TWSG1: variants seen among roughly 807,000 people sequenced by gnomAD.
TWSG1 encodes the protein twisted gastrulation BMP signaling modulator 1.
In TWSG1, 15 loss-of-function variants were observed where a neutral mutation model predicts 23.0. The observed-to-expected ratio is 0.65, with a 90% CI of 0.44 to 1.00. The LOEUF (loss-of-function observed/expected upper bound fraction) is 1.00, where lower values mean the gene tolerates loss of function less well. Ranked by LOEUF, TWSG1 falls within the 50% of genes least tolerant of loss-of-function variation. TWSG1 has a pLI of 0.00. For missense variants in TWSG1, 242 were observed against 278.7 expected (o/e 0.87, Z 0.94); for synonymous variants, 86 against 92.8 (o/e 0.93, Z 0.42).
intron 3 of TWSG1, among the ~76,000 whole-genome samples, chr18:9,395,606 G>T (rs1362666690): frequency 1.3e-5 from 2 of 152,142 alleles, no homozygotes; most frequent in Non-Finnish European, 2.9e-5. Context: ...ACATGGGGTT[G>T]CCCAGGCTAG....
At chr18:9,368,562 C>A (rs570272369) in intron 3 of TWSG1, among the ~76,000 whole-genome samples, 2 of 152,142 alleles carry the variant, frequency 1.3e-5, no homozygotes, top group Non-Finnish European at 2.9e-5. Flanking sequence ...TCTGTAATTC[C>A]AGCACTTTGG....
intron 1 of TWSG1, among the ~76,000 whole-genome samples, chr18:9,335,994 T>A (rs1430918805): frequency 6.6e-6 from 1 of 152,190 alleles, no homozygotes; most frequent in Non-Finnish European, 1.5e-5. Context: ...TGTATACTGT[T>A]TGGCCCCTGT....
intron 4 of TWSG1, among the ~76,000 whole-genome samples, chr18:9,397,959 G>A (rs1424712360): frequency 1.4e-5 from 2 of 143,500 alleles, no homozygotes; most frequent in African/African-American, 2.6e-5. Context: ...AGCCGAGATC[G>A]CGCCATTGCA....
chr18:9,350,001 A>T (rs1291491670), intron 2 of TWSG1, among the ~76,000 whole-genome samples: 1 of 152,094 alleles, frequency 6.6e-6, no homozygotes, highest in East Asian at 1.9e-4. Context: ...TTAGCCGAGC[A>T]TGGTGGCGTG....
intron 2 of TWSG1, among the ~76,000 whole-genome samples, chr18:9,341,975 A>C (rs1040617916): frequency 6.6e-6 from 1 of 152,124 alleles, no homozygotes; most frequent in Non-Finnish European, 1.5e-5. Flanking sequence ...TTTCCCTTGC[A>C]TTTATGAGTA....
chr18:9,368,238 G>A (rs1383925518), intron 3 of TWSG1, among the ~76,000 whole-genome samples: 1 of 152,024 alleles, frequency 6.6e-6, no homozygotes, highest in East Asian at 1.9e-4. Context: ...ACCTCACTCT[G>A]TCACCCAGGC....
At position 9,376,251 on chromosome 18, in the gene TWSG1, T is replaced by A. The variant is rs551926251; in HGVS notation, c.223+16180T>A. ...AGATTTAATGCAATTGCAATAAAAA[T>A]CCTAGCAATTTATCTTATGGATATT... On this transcript the variant is annotated intron_variant, in intron 3 of 4. Coordinates refer to ENST00000262120, the MANE Select transcript of TWSG1 (RefSeq NM_020648.6). Among the ~76,000 whole-genome samples, 152 of 152,246 alleles carry A rather than the reference T, an allele frequency of 1.0e-3. 1 individual carries two copies. Among genetic ancestry groups the A allele is most frequent in the Non-Finnish European group, 1.8e-3 (120 of 68,008 alleles).
At chr18:9,370,094 C>A (rs55640809) in intron 3 of TWSG1, among the ~76,000 whole-genome samples, 3 of 151,994 alleles carry the variant, frequency 2.0e-5, no homozygotes, top group African/African-American at 7.2e-5. Context: ...CTGAGGTGGG[C>A]GGATCATGAG....
intron 3 of TWSG1, among the ~76,000 whole-genome samples, chr18:9,378,743 G>A (rs1417029596): frequency 1.3e-5 from 2 of 151,964 alleles, no homozygotes; most frequent in Non-Finnish European, 2.9e-5. Context: ...AGGCCAAGAT[G>A]GGTGGATCAC....
At chr18:9,390,731 G>A (rs971397240) in intron 3 of TWSG1, among the ~76,000 whole-genome samples, 1 of 152,162 alleles carries the variant, frequency 6.6e-6, no homozygotes, top group African/African-American at 2.4e-5. Flanking sequence ...TCAAAATTAG[G>A]CCAGGTGCAG....
intron 1 of TWSG1, among the ~76,000 whole-genome samples, chr18:9,335,922 T>C (rs2040420802): frequency 1.3e-5 from 2 of 152,196 alleles, no homozygotes. Flanking sequence ...ATTTATTATG[T>C]TTGATAGGGA....
At chr18:9,377,573 A>G (rs904917298) in intron 3 of TWSG1, among the ~76,000 whole-genome samples, 2 of 151,932 alleles carry the variant, frequency 1.3e-5, no homozygotes, top group African/African-American at 2.4e-5. Flanking sequence ...CCATCTGCAA[A>G]ATATGAATCT....
intron 2 of TWSG1, among the ~76,000 whole-genome samples, chr18:9,352,094 G>A (rs1289869824): frequency 6.6e-6 from 1 of 152,012 alleles, no homozygotes; most frequent in Non-Finnish European, 1.5e-5. Context: ...TTTTTCCCTA[G>A]CCTCAGCCCC....
chr18:9,336,399 A>C (rs965296881), intron 1 of TWSG1, among the ~76,000 whole-genome samples: 5 of 152,060 alleles, frequency 3.3e-5, no homozygotes, highest in Non-Finnish European at 7.4e-5. Context: ...CTAAAAGAAA[A>C]AAAAAAAAAA....
chr18:9,390,677 A>T (rs1460900390), intron 3 of TWSG1, among the ~76,000 whole-genome samples: 1 of 152,148 alleles, frequency 6.6e-6, no homozygotes, highest in Non-Finnish European at 1.5e-5. Flanking sequence ...TCTCTGTTAC[A>T]TGTCATGCTA....
intron 4 of TWSG1, among the ~76,000 whole-genome samples, chr18:9,398,004 C>CAAAAAA (rs573745689): frequency 7.1e-5 from 6 of 84,670 alleles, no homozygotes; most frequent in Non-Finnish European, 9.1e-5. Context: ...AACTCCATCT[C>CAAAAAA]AAAAAAAAAA....
chr18:9,387,767 T>G (rs1244188608), intron 3 of TWSG1, among the ~76,000 whole-genome samples: 1 of 106,084 alleles, frequency 9.4e-6, no homozygotes. Flanking sequence ...TGAAACTCTG[T>G]CTCAAAAAAA....
Position 9,401,636 on chromosome 18 carries a change from T to C in TWSG1, c.*2109T>C, listed in dbSNP as rs958643194. ...GCCTTCAAATTTGGCTTATTTTTTC[T>C]GATTTATGAGGGTTTGAAAGAAAGA... On this transcript the variant is annotated 3_prime_UTR_variant, in exon 5 of 5. Coordinates refer to ENST00000262120, the MANE Select transcript of TWSG1 (RefSeq NM_020648.6). The C allele has an allele frequency of 6.6e-6, 1 of 152,176 alleles. No individual in the cohort carries two copies. Among genetic ancestry groups the C allele is most frequent in the African/African-American group, 2.4e-5 (1 of 41,456 alleles). The allele number at this position is 152,176 out of a possible 1,614,324, so 9.4% of individuals were successfully genotyped here. A position where few individuals can be genotyped will look rare whatever the true frequency, so the allele number is the denominator to read the frequency against.
chr18:9,345,815 T>G (rs2040474421), intron 2 of TWSG1, among the ~76,000 whole-genome samples: 2 of 152,154 alleles, frequency 1.3e-5, no homozygotes, highest in Non-Finnish European at 2.9e-5. Context: ...AAAAAATATA[T>G]AATAGACTTT....
Sources: allele counts gnomAD v4.1 joint callset (sites outside exome capture counted in the v4.1 genomes callset), GRCh38; gene constraint gnomAD v4.1.1; transcripts MANE v1.5; gene names NCBI Gene and HGNC (gene_info 2026-07-23, HGNC 2026-07-21).